PDE1C: variants seen among roughly 807,000 people sequenced by gnomAD.
PDE1C encodes dual specificity calcium/calmodulin-dependent 3',5'-cyclic nucleotide phosphodiesterase 1C.
Under a neutral mutation model 93.1 loss-of-function variants are expected in PDE1C, and 62 were observed. That is an observed-to-expected ratio of 0.67 (90% CI 0.54 to 0.82). The LOEUF (loss-of-function observed/expected upper bound fraction) is 0.82. Among genes scored for constraint, PDE1C ranks in the 40% least tolerant of loss-of-function variants. PDE1C has a pLI of 0.00. For synonymous variants in PDE1C, 325 were observed against 310.1 expected, an observed-to-expected ratio of 1.05 and a Z score of -0.50; for missense variants, 742 against 884.6, an observed-to-expected ratio of 0.84 and a Z score of 2.04.
chr7:32,356,719 C>T (rs1167943997), intron 1 of PDE1C, among the ~76,000 whole-genome samples: 1 of 152,186 alleles, frequency 6.6e-6, no homozygotes, highest in East Asian at 1.9e-4. Context: ...GCCATGGTCA[C>T]CTAATCACCT....
chr7:32,110,069 C>G (rs186783350), intron 3 of PDE1C, among the ~76,000 whole-genome samples: 1 of 152,270 alleles, frequency 6.6e-6, no homozygotes, highest in East Asian at 1.9e-4. Flanking sequence ...ATTCCTCTAG[C>G]TCAGGGGTAG....
At chr7:31,988,882 C>G (rs957827444) in intron 2 of PDE1C, among the ~76,000 whole-genome samples, 2 of 151,370 alleles carry the variant, frequency 1.3e-5, no homozygotes, top group Non-Finnish European at 2.9e-5. Context: ...GTAATCCCAG[C>G]TACTCGGGAG....
chr7:31,826,927 C>A (rs1789758302), intron 12 of PDE1C, among the ~76,000 whole-genome samples: 1 of 152,114 alleles, frequency 6.6e-6, no homozygotes, highest in Admixed American at 6.6e-5. Context: ...GCTAAAGCAG[C>A]CATAGACAAT....
chr7:32,139,824 A>C (rs1191551397), intron 3 of PDE1C, among the ~76,000 whole-genome samples: 2 of 152,152 alleles, frequency 1.3e-5, no homozygotes, highest in Non-Finnish European at 2.9e-5. Flanking sequence ...ACTGGAAGAG[A>C]TATCTCATCT....
intron 3 of PDE1C, among the ~76,000 whole-genome samples, chr7:32,168,877 C>T (rs1270273442): frequency 6.6e-6 from 1 of 152,024 alleles, no homozygotes; most frequent in Non-Finnish European, 1.5e-5. Context: ...GTATATTTTT[C>T]AAATATATTT....
chr7:31,652,230 T>G, the PDE1C span, among the ~76,000 whole-genome samples: 1 of 152,190 alleles, frequency 6.6e-6, no homozygotes, highest in African/African-American at 2.4e-5. Flanking sequence ...CTGATGGTGA[T>G]TCTGTATCAG....
intron 11 of PDE1C, among the ~76,000 whole-genome samples, chr7:31,832,308 CA>C (rs1158555372): frequency 6.6e-6 from 1 of 152,168 alleles, no homozygotes; most frequent in African/African-American, 2.4e-5. Flanking sequence ...GTTTTTCCAA[CA>C]TGACATATTT....
At chr7:32,058,713 C>T (rs1794430234) in intron 1 of PDE1C, among the ~76,000 whole-genome samples, 1 of 152,162 alleles carries the variant, frequency 6.6e-6, no homozygotes, top group Non-Finnish European at 1.5e-5. Flanking sequence ...GCTTCCTGGC[C>T]TTTCCCATAT....
chr7:31,888,037 G>A (rs555818049), intron 2 of PDE1C, among the ~76,000 whole-genome samples: 10 of 151,920 alleles, frequency 6.6e-5, no homozygotes, highest in Admixed American at 1.3e-4. Context: ...GGTGGATCAC[G>A]AGGTCAGGAG....
intron 1 of PDE1C, among the ~76,000 whole-genome samples, chr7:32,322,805 G>C (rs923745040): frequency 6.6e-6 from 1 of 152,008 alleles, no homozygotes; most frequent in African/African-American, 2.4e-5. Context: ...AGTAAAGACG[G>C]GGTTTCAGCA....
At chr7:31,702,659 G>A in the PDE1C span, among the ~76,000 whole-genome samples, 8 of 152,156 alleles carry the variant, frequency 5.3e-5, no homozygotes, top group East Asian at 1.9e-4. Flanking sequence ...CTGTATTGTC[G>A]CTGCTGCTTA....
chr7:31,918,427 A>G (rs931283210), intron 2 of PDE1C, among the ~76,000 whole-genome samples: 1 of 152,194 alleles, frequency 6.6e-6, no homozygotes, highest in Admixed American at 6.5e-5. Context: ...CGAAGACCCA[A>G]GTGATTTCTC....
intron 2 of PDE1C, among the ~76,000 whole-genome samples, chr7:31,992,131 C>G (rs796546356): frequency 6.6e-6 from 1 of 152,156 alleles, no homozygotes; most frequent in African/African-American, 2.4e-5. Context: ...TGCACCAGGC[C>G]CAAGCCCAGT....
chr7:31,842,506 T>C (rs1792044709), intron 9 of PDE1C, among the ~76,000 whole-genome samples: 1 of 152,070 alleles, frequency 6.6e-6, no homozygotes. Context: ...TCATCTTGTG[T>C]GAATTTTGGT....
chr7:31,865,172 C>T, intron 6 of PDE1C, 90 bp from the exon 7 acceptor site: 3 of 1,305,694 alleles, frequency 2.3e-6, no homozygotes, highest in East Asian at 2.3e-5. Flanking sequence ...TGCTTTTTCT[C>T]TGAAGGCATA....
intron 2 of PDE1C, among the ~76,000 whole-genome samples, chr7:31,901,157 C>T (rs765753550): frequency 8.1e-5 from 12 of 147,476 alleles, no homozygotes; most frequent in South Asian, 2.1e-4. Flanking sequence ...AAAATGGTTA[C>T]GAATTATAGT....
chr7:32,193,768 A>T (rs989314707), intron 2 of PDE1C, among the ~76,000 whole-genome samples: 1 of 152,186 alleles, frequency 6.6e-6, no homozygotes, highest in African/African-American at 2.4e-5. Context: ...GAGTCACACC[A>T]TGTGGACTCA....
the PDE1C span, among the ~76,000 whole-genome samples, chr7:31,690,367 A>G: frequency 6.6e-6 from 1 of 152,218 alleles, no homozygotes; most frequent in Non-Finnish European, 1.5e-5. Flanking sequence ...TCTCTATTTT[A>G]CAGATGAGGA....
At chr7:32,143,259 TA>T (rs1432328064) in intron 3 of PDE1C, among the ~76,000 whole-genome samples, 2 of 151,270 alleles carry the variant, frequency 1.3e-5, no homozygotes, top group African/African-American at 4.9e-5. Context: ...TTAAGTTTTG[TA>T]AGCAAGGCAG....
Sources: gnomAD v4.1 joint callset for allele counts (sites outside exome capture counted in the v4.1 genomes callset) on GRCh38, gnomAD v4.1.1 for gene constraint, MANE v1.5 for transcripts, NCBI Gene and HGNC (gene_info 2026-07-23, HGNC 2026-07-21) for gene names.